PTPRN2: variants seen among roughly 807,000 people sequenced by gnomAD.
PTPRN2 encodes the protein protein tyrosine phosphatase receptor type N2, also known as receptor-type tyrosine-protein phosphatase N2.
In PTPRN2, 74 loss-of-function variants were observed where a neutral mutation model predicts 118.8. The observed-to-expected ratio is 0.62, with a 90% CI of 0.52 to 0.76. PTPRN2 has a LOEUF of 0.76. Among genes scored for constraint, PTPRN2 ranks in the 30% least tolerant of loss-of-function variants. The probability of loss-of-function intolerance (pLI) is 0.00; values close to 1 mark genes in which losing one functional copy is unlikely to be tolerated. For synonymous variants in PTPRN2, 641 were observed against 608.0 expected, an observed-to-expected ratio of 1.05 and a Z score of -0.80; for missense variants, 1,481 against 1,394.4, an observed-to-expected ratio of 1.06 and a Z score of -0.99.
At chr7:157,826,007 G>A (rs560767256) in intron 12 of PTPRN2, among the ~76,000 whole-genome samples, 9 of 152,228 alleles carry the variant, frequency 5.9e-5, no homozygotes, top group Non-Finnish European at 8.8e-5. Flanking sequence ...TTGTTCCCCC[G>A]TGCATGTAAG....
chr7:158,390,255 G>A (rs765770399), intron 2 of PTPRN2, among the ~76,000 whole-genome samples: 19 of 152,200 alleles, frequency 1.2e-4, no homozygotes, highest in Non-Finnish European at 2.4e-4. Context: ...CTGCTATGTG[G>A]AAATGGCCTC....
intron 6 of PTPRN2, among the ~76,000 whole-genome samples, chr7:158,141,655 C>T (rs1055122503): frequency 6.6e-5 from 10 of 152,166 alleles, no homozygotes; most frequent in Non-Finnish European, 1.5e-4. Flanking sequence ...CATTTCTGAA[C>T]ACTCTCTGCT....
intron 3 of PTPRN2, among the ~76,000 whole-genome samples, chr7:158,209,733 A>G (rs1827441068): frequency 6.6e-6 from 1 of 152,268 alleles, no homozygotes; most frequent in Non-Finnish European, 1.5e-5. Flanking sequence ...TTCAATGGCT[A>G]TGAAATCCAC....
Position 157,587,727 on chromosome 7 carries a change from G to A in PTPRN2, c.2496+7511C>T, listed in dbSNP as rs112317851. Reference sequence around the variant, plus strand: ...CTCTGGGGGCCAGGAGAGCTGTTTCGTGTCTGACTCTGTCCTGAAAGGCAG... The same window carrying A: ...CTCTGGGGGCCAGGAGAGCTGTTTCATGTCTGACTCTGTCCTGAAAGGCAG... On this transcript the variant is annotated intron_variant, in intron 17 of 22. Transcript: ENST00000389418. This position sits in a 1 kb window ranked among gnomAD's most constrained non-coding sequence, Gnocchi z 5.3. Among the ~76,000 whole-genome samples the A allele has an allele frequency of 4.6e-5, 7 of 152,362 alleles. No individual in the cohort carries two copies. The highest frequency in any genetic ancestry group is 1.2e-4 in the African/African-American group (5 of 41,596).
rs535487802 is a variant in PTPRN2, at chr7:158,322,091, C to G, written c.164-5159G>C. Among the ~76,000 whole-genome samples, 10 of 152,290 alleles carry G rather than the reference C, an allele frequency of 6.6e-5. No homozygotes were observed. The South Asian group carries it at 2.1e-3, about 32-fold the overall frequency. On this transcript the variant is annotated intron_variant, in intron 2 of 22. Coordinates refer to ENST00000389418, the MANE Select transcript of PTPRN2 (RefSeq NM_002847.5). ...ATCTCTGTCCCCAGCATTGCCTGAGCCTTGCAAAGCCCCTTCCTGTTCTGG... is the reference window on the plus strand; with the variant it reads ...ATCTCTGTCCCCAGCATTGCCTGAGGCTTGCAAAGCCCCTTCCTGTTCTGG...
chr7:157,963,911 T>C (rs142852559), intron 11 of PTPRN2, among the ~76,000 whole-genome samples: 1 of 152,336 alleles, frequency 6.6e-6, no homozygotes, highest in African/African-American at 2.4e-5. Flanking sequence ...CCTATGTTGC[T>C]CAGGCTGGTC....
intron 12 of PTPRN2, among the ~76,000 whole-genome samples, chr7:157,844,232 A>T (rs1260989160): frequency 6.6e-6 from 1 of 152,188 alleles, no homozygotes; most frequent in East Asian, 1.9e-4. Context: ...AGGAAAGGGA[A>T]CAGGAGGGAC....
At chr7:158,448,071 C>T (rs963738202) in intron 2 of PTPRN2, among the ~76,000 whole-genome samples, 6 of 152,194 alleles carry the variant, frequency 3.9e-5, no homozygotes, top group South Asian at 2.1e-4. Context: ...CCCAGCATGG[C>T]GTGCCCCACT....
intron 2 of PTPRN2, among the ~76,000 whole-genome samples, chr7:158,376,207 C>T (rs945432044): frequency 2.7e-4 from 41 of 152,182 alleles, no homozygotes; most frequent in African/African-American, 7.5e-4. Context: ...TCTTTGAGCA[C>T]GCAGCAGCCA....
intron 17 of PTPRN2, among the ~76,000 whole-genome samples, chr7:157,578,482 C>G (rs934260839): frequency 2.0e-5 from 3 of 152,170 alleles, no homozygotes; most frequent in Non-Finnish European, 2.9e-5. Context: ...GAGGCGGTGC[C>G]GACACCCTCA....
At chr7:158,373,733 G>C (rs994634613) in intron 2 of PTPRN2, among the ~76,000 whole-genome samples, 6 of 152,254 alleles carry the variant, frequency 3.9e-5, no homozygotes, top group Non-Finnish European at 7.3e-5. Context: ...AGCAGGATTG[G>C]AAATATTCAA....
At chr7:157,862,827 C>CGCGGGAAGCGGCGAGGTGT (rs1009920351) in intron 12 of PTPRN2, 6 of 152,556 alleles carry the variant, frequency 3.9e-5, no homozygotes, top group African/African-American at 1.2e-4. Context: ...CGGCGAGGTG[C>CGCGGGAAGCGGCGAGGTGT]GCGGGAAGCG....
chr7:158,520,348 G>A (rs776294897), intron 1 of PTPRN2, among the ~76,000 whole-genome samples: 8 of 152,208 alleles, frequency 5.3e-5, no homozygotes, highest in East Asian at 1.9e-4. Flanking sequence ...GCAATGAAAC[G>A]GACTCTGAGA....
At chr7:158,178,595 T>TC (rs1563565046) in intron 5 of PTPRN2, among the ~76,000 whole-genome samples, 12 of 136,292 alleles carry the variant, frequency 8.8e-5, no homozygotes, top group African/African-American at 1.9e-4. Context: ...CTTTCTTTTT[T>TC]TTTTTTTTTT....
At chr7:157,663,718 C>T (rs1381867608) in intron 13 of PTPRN2, among the ~76,000 whole-genome samples, 4 of 152,364 alleles carry the variant, frequency 2.6e-5, no homozygotes, top group African/African-American at 7.2e-5. Context: ...CTGGATTCTG[C>T]CTCATGGCTT....
intron 12 of PTPRN2, among the ~76,000 whole-genome samples, chr7:157,892,658 C>G (rs1197649221): frequency 6.6e-6 from 1 of 152,082 alleles, no homozygotes; most frequent in East Asian, 1.9e-4. Context: ...CATTAAAAAT[C>G]AGAATCGTCA....
intron 1 of PTPRN2, among the ~76,000 whole-genome samples, chr7:158,490,132 G>A (rs1466379968): frequency 6.6e-6 from 1 of 152,174 alleles, no homozygotes; most frequent in Non-Finnish European, 1.5e-5. Context: ...TGGGCCCGGC[G>A]CCTCCCCTGG....
chr7:157,985,898 T>A (rs1354744441), intron 11 of PTPRN2, among the ~76,000 whole-genome samples: 1 of 146,962 alleles, frequency 6.8e-6, no homozygotes, highest in Non-Finnish European at 1.5e-5. Flanking sequence ...TGGGGTTGAA[T>A]CTCGAGAGCA....
intron 16 of PTPRN2, among the ~76,000 whole-genome samples, chr7:157,602,998 C>T (rs1230970827): frequency 1.3e-5 from 2 of 152,202 alleles, no homozygotes; most frequent in Admixed American, 6.5e-5. Flanking sequence ...TCCCTGAAGA[C>T]CAGAATTGAG....
Sources: allele counts gnomAD v4.1 joint callset (sites outside exome capture counted in the v4.1 genomes callset), GRCh38; gene constraint gnomAD v4.1.1; non-coding constraint Gnocchi (gnomAD v3.1); transcripts MANE v1.5; gene names NCBI Gene and HGNC (gene_info 2026-07-23, HGNC 2026-07-21).